ENO1: variants seen among roughly 807,000 people sequenced by gnomAD.
ENO1 encodes alpha-enolase.
A neutral mutation model predicts 46.3 loss-of-function variants in ENO1; 33 were observed. The ratio of observed to expected loss-of-function variants is 0.71; its 90% CI spans 0.54 to 0.95. The LOEUF is 0.95. Ranked by LOEUF, ENO1 falls within the 40% of genes least tolerant of loss-of-function variation. The probability of loss-of-function intolerance (pLI) is 0.00; values close to 1 mark genes in which losing one functional copy is unlikely to be tolerated. For synonymous variants in ENO1, 220 were observed against 216.0 expected, an observed-to-expected ratio of 1.02 and a Z score of -0.16; for missense variants, 488 against 553.3, an observed-to-expected ratio of 0.88 and a Z score of 1.18.
chr1:8,874,031 A>G (rs906261635), intron 2 of ENO1: 8 of 152,248 alleles, frequency 5.3e-5, no homozygotes, highest in East Asian at 3.8e-4. Context: ...CAAAGCCTAC[A>G]GGTAAAAACT....
At chr1:8,874,956 A>G in intron 1 of ENO1, 39 bp from the exon 2 acceptor site, 2 of 1,530,512 alleles carry the variant, frequency 1.3e-6, no homozygotes, top group Admixed American at 1.7e-5. Context: ...TCCATAAGCC[A>G]TAATGCTGCA....
chr1:8,864,617 GT>G (rs373525452), intron 8 of ENO1, among the ~76,000 whole-genome samples: 133 of 152,202 alleles, frequency 8.7e-4, no homozygotes, highest in African/African-American at 2.9e-3. Context: ...CAAAAATTTT[GT>G]TTAAGACCTG....
At chr1:8,862,984 G>A (rs1642436692) in intron 10 of ENO1, 39 bp from the exon 11 acceptor site, 2 of 1,609,000 alleles carry the variant, frequency 1.2e-6, no homozygotes, top group Non-Finnish European at 8.5e-7. Context: ...CAGCGGACAA[G>A]CTTTGCAGGC....
intron 6 of ENO1, 101 bp downstream of exon 6, chr1:8,867,016 G>T: frequency 6.6e-7 from 1 of 1,510,456 alleles, no homozygotes; most frequent in Non-Finnish European, 8.9e-7. Context: ...TGCTGGGAGA[G>T]TCACATGTGT....
chr1:8,876,893 G>C (rs1328176955), intron 1 of ENO1, among the ~76,000 whole-genome samples: 1 of 151,736 alleles, frequency 6.6e-6, no homozygotes, highest in Non-Finnish European at 1.5e-5. Context: ...CGCCCAGACT[G>C]GAGTGCAATG....
At chr1:8,876,875 G>T (rs1442844501) in intron 1 of ENO1, among the ~76,000 whole-genome samples, 1 of 151,326 alleles carries the variant, frequency 6.6e-6, no homozygotes, top group Non-Finnish European at 1.5e-5. Flanking sequence ...ACGGAGTTTC[G>T]CTGTTGTCGC....
At chr1:8,870,934 C>T in intron 3 of ENO1, 2 of 1,253,184 alleles carry the variant, frequency 1.6e-6, no homozygotes, top group Non-Finnish European at 2.0e-6. Flanking sequence ...CAGAAGAGAA[C>T]CGGTGATTAA....
chr1:8,876,871 T>C (rs1017269028), intron 1 of ENO1, among the ~76,000 whole-genome samples: 1 of 151,320 alleles, frequency 6.6e-6, no homozygotes, highest in African/African-American at 2.4e-5. Context: ...TGAGACGGAG[T>C]TTCGCTGTTG....
At chr1:8,878,199 A>G in intron 1 of ENO1, 1 of 178,378 alleles carries the variant, frequency 5.6e-6, no homozygotes, top group South Asian at 1.0e-4. Context: ...GTCTGCGTCT[A>G]TCCCAAAAAC....
chr1:8,876,844 A>ATTTTTT (rs150798497), intron 1 of ENO1, among the ~76,000 whole-genome samples: 1 of 149,110 alleles, frequency 6.7e-6, no homozygotes. Context: ...ATAAAGTGTG[A>ATTTTTT]TTTTTTTTTT....
intron 11 of ENO1, among the ~76,000 whole-genome samples, chr1:8,862,671 C>A (rs1038405993): frequency 6.6e-6 from 1 of 152,246 alleles, no homozygotes; most frequent in African/African-American, 2.4e-5. Flanking sequence ...GGAACAGGCT[C>A]CTGCCTCTGG....
chr1:8,877,830 C>G (rs1279437474), intron 1 of ENO1: 1 of 151,712 alleles, frequency 6.6e-6, no homozygotes, highest in Non-Finnish European at 1.5e-5. Flanking sequence ...AACCGAGATC[C>G]GAGATCGCGC....
rs747658180 is a variant in ENO1 at position 8,861,402 on chromosome 1, A to G, written c.1263T>C (p.Ala421=). 3 of 1,614,034 alleles carry G rather than the reference A, an allele frequency of 1.9e-6. No homozygotes were observed. The highest frequency in any genetic ancestry group is 1.3e-5 in the African/African-American group (1 of 74,932). ...TTCTGAAGTTCCTGCCGGCAAACTT[A>G]GCCTTGCTGCCCAGCTCCTCTTCAA... ...LRIEEELGSK[A]KFAGRNFRNP... is the part of the protein sequence containing the mutation. The change falls in exon 12 of 12, where the codon GCT becomes GCC. Residue 421 remains alanine (A), a synonymous_variant. Coordinates refer to ENST00000234590, the MANE Select transcript of ENO1 (RefSeq NM_001428.5).
At position 8,867,402 on chromosome 1, in the gene ENO1, T is replaced by G. The variant is rs574276319; in HGVS notation, c.311-152A>C. 4.4e-6 allele frequency: 5 copies of G among 1,132,108 alleles called. No individual in the cohort carries two copies. In the East Asian group the frequency reaches 1.3e-4, roughly 29 times the overall value. The allele number at this position is 1,132,108 out of a possible 1,614,324, so 70.1% of individuals were successfully genotyped here. ...CTAGAAATACAAATAGCATTCTATG[T>G]GGACTCACCACTGCTTTTCCCCTCT... is the stretch of plus-strand genomic sequence containing the variant. On this transcript the variant is annotated intron_variant, in intron 5 of 11. Transcript: ENST00000234590.
intron 4 of ENO1, among the ~76,000 whole-genome samples, chr1:8,868,575 CGTCTAATGATGG>C (rs1642570038): frequency 6.6e-6 from 1 of 152,174 alleles, no homozygotes; most frequent in Non-Finnish European, 1.5e-5. Context: ...TTTAGCAAAG[CGTCTAATGATGG>C]ATCAAAATGA....
At chr1:8,864,588 G>GCCCAGCCTCATATGCCCAGCCCAGC (rs1642471939) in intron 8 of ENO1, among the ~76,000 whole-genome samples, 1 of 152,138 alleles carries the variant, frequency 6.6e-6, no homozygotes, top group Admixed American at 6.6e-5. Flanking sequence ...CCAGGCGTGA[G>GCCCAGCCTCATATGCCCAGCCCAGC]CCACCATATG....
chr1:8,867,267 C>T lies in ENO1; in HGVS notation c.311-17G>A, dbSNP rs752580188. 7.4e-6 allele frequency: 12 copies of T among 1,613,316 alleles called. No homozygotes were observed. The highest frequency in any genetic ancestry group is 1.0e-5 in the Non-Finnish European group (12 of 1,179,354). On this transcript the variant is annotated splice_polypyrimidine_tract_variant and intron_variant, in intron 5 of 11. Coordinates refer to ENST00000234590, the MANE Select transcript of ENO1 (RefSeq NM_001428.5). ...CAAACTTAGCTAGAACAGAAGAGAA[C>T]CGAGTGGAATGAAGTCATTTCTGAT... is the stretch of plus-strand genomic sequence containing the variant.
intron 3 of ENO1, chr1:8,871,136 A>T (rs1468432093): frequency 8.6e-7 from 1 of 1,158,672 alleles, no homozygotes. Context: ...TCGTGTGTGT[A>T]GAGTGCTTCT....
rs570470729 is a variant in ENO1 at position 8,864,567 on chromosome 1, G to A, written c.866-475C>T. ...AGTGATGCCGTTTCAGCCTCTCCAA[G>A]TGCTAGGATTCCAGGCGTGAGCCAC... On this transcript the variant is annotated intron_variant, in intron 8 of 11. Transcript: ENST00000234590. 1.4e-3 allele frequency among the ~76,000 whole-genome samples: 219 copies of A among 152,240 alleles called. 1 individual carries two copies. The highest frequency in any genetic ancestry group is 5.1e-3 in the African/African-American group (211 of 41,540).
Sources: allele counts gnomAD v4.1 joint callset (sites outside exome capture counted in the v4.1 genomes callset), GRCh38; gene constraint gnomAD v4.1.1; transcripts MANE v1.5; gene names NCBI Gene and HGNC (gene_info 2026-07-23, HGNC 2026-07-21).